STXBP4: variants seen among roughly 807,000 people sequenced by gnomAD.
STXBP4 encodes the protein syntaxin binding protein 4.
STXBP4 carries 55 observed loss-of-function variants against 76.1 expected under a neutral mutation model. That is an observed-to-expected ratio of 0.72 (90% CI 0.58 to 0.91). STXBP4 has a LOEUF of 0.91. STXBP4 is among the 40% of genes least tolerant of loss of function. The probability of loss-of-function intolerance (pLI) is 0.00; values close to 1 mark genes in which losing one functional copy is unlikely to be tolerated. For missense variants in STXBP4, 618 were observed against 636.9 expected (o/e 0.97, Z 0.32); for synonymous variants, 201 against 220.2 (o/e 0.91, Z 0.77).
intron 16 of STXBP4, among the ~76,000 whole-genome samples, chr17:55,085,800 A>G (rs1449076515): frequency 1.3e-5 from 2 of 152,058 alleles, no homozygotes; most frequent in Non-Finnish European, 2.9e-5. Flanking sequence ...CATAGTGTCT[A>G]CTCAGTTTTC....
At chr17:55,104,194 G>T (rs1598316122) in intron 16 of STXBP4, among the ~76,000 whole-genome samples, 1 of 152,142 alleles carries the variant, frequency 6.6e-6, no homozygotes, top group Admixed American at 6.5e-5. Flanking sequence ...CGGCATCCTT[G>T]TCTTGTGCCA....
At chr17:54,993,577 A>G (rs1851147538) in intron 4 of STXBP4, among the ~76,000 whole-genome samples, 1 of 152,238 alleles carries the variant, frequency 6.6e-6, no homozygotes, top group African/African-American at 2.4e-5. Context: ...CTTCAAATAC[A>G]AAATTGATAT....
At chr17:55,149,708 C>G (rs1485964006) in intron 17 of STXBP4, among the ~76,000 whole-genome samples, 1 of 152,132 alleles carries the variant, frequency 6.6e-6, no homozygotes, top group Non-Finnish European at 1.5e-5. Flanking sequence ...AGTCAAAAGC[C>G]CTGTGATAGG....
At chr17:55,001,440 G>T (rs1188890732) in intron 7 of STXBP4, among the ~76,000 whole-genome samples, 1 of 151,916 alleles carries the variant, frequency 6.6e-6, no homozygotes, top group Non-Finnish European at 1.5e-5. Flanking sequence ...GTAAAATAAA[G>T]ATTTTTATGT....
In STXBP4 at chr17:55,171,591, T is replaced by G. The variant is rs968546291; in HGVS notation, c.*11680T>G. On this transcript the variant is annotated 3_prime_UTR_variant, in exon 18 of 18. Transcript: ENST00000376352. ...GTTTTGACCATACCCCATCATGGTA[T>G]TTTAGAGTACACCTGAATAAGATAC... 3.3e-5 allele frequency: 5 copies of G among 152,166 alleles called. No homozygotes were observed. Among genetic ancestry groups the G allele is most frequent in the African/African-American group, 1.2e-4 (5 of 41,438 alleles). The allele number at this position is 152,166 out of a possible 1,614,324, so 9.4% of individuals were successfully genotyped here.
chr17:54,986,347 T>TGAAATATAGTTTG, intron 3 of STXBP4, 81 bp downstream of exon 3: 5 of 1,047,264 alleles, frequency 4.8e-6, no homozygotes, highest in East Asian at 2.5e-5. Flanking sequence ...AAAGTTTTTT[T>TGAAATATAGTTTG]ACATCTAGCT....
At chr17:55,150,749 A>G (rs530736383) in intron 17 of STXBP4, among the ~76,000 whole-genome samples, 3 of 152,326 alleles carry the variant, frequency 2.0e-5, no homozygotes, top group African/African-American at 7.2e-5. Flanking sequence ...GCTTAAGGGA[A>G]GAAGAGAAGG....
chr17:54,999,023 G>A (rs1278471749), intron 4 of STXBP4, among the ~76,000 whole-genome samples: 2 of 152,044 alleles, frequency 1.3e-5, no homozygotes, highest in East Asian at 1.9e-4. Flanking sequence ...CAGAGTCAGA[G>A]CTTTATCAGC....
intron 16 of STXBP4, among the ~76,000 whole-genome samples, chr17:55,113,219 A>ACACACACG (rs985252699): frequency 3.6e-4 from 6 of 16,556 alleles, no homozygotes; most frequent in African/African-American, 8.7e-4. Flanking sequence ...TGCTCTTACC[A>ACACACACG]CACACACACA....
intron 16 of STXBP4, among the ~76,000 whole-genome samples, chr17:55,126,117 AT>A (rs1378298584): frequency 6.6e-6 from 1 of 152,186 alleles, no homozygotes; most frequent in Non-Finnish European, 1.5e-5. Context: ...AAAGATTAAC[AT>A]GCTTCAGAGT....
At position 55,167,200 on chromosome 17, in the gene STXBP4, A is replaced by G. The variant is rs2080381448; in HGVS notation, c.*7289A>G. ...ATTAATTTGGATAGGAAAGTAGGGC[A>G]TGTGTCATCTCTCCTAGTAGACTGT... is the stretch of plus-strand genomic sequence containing the variant. On this transcript the variant is annotated 3_prime_UTR_variant, in exon 18 of 18. Transcript: ENST00000376352. 6.6e-6 allele frequency: 1 copy of G among 152,224 alleles called. No individual in the cohort carries two copies. The highest frequency in any genetic ancestry group is 6.5e-5 in the Admixed American group (1 of 15,282). The allele number at this position is 152,224 out of a possible 1,614,324, so 9.4% of individuals were successfully genotyped here. A position where few individuals can be genotyped will look rare whatever the true frequency, so the allele number is the denominator to read the frequency against.
chr17:54,994,401 A>G (rs972115206), intron 4 of STXBP4, among the ~76,000 whole-genome samples: 1 of 152,136 alleles, frequency 6.6e-6, no homozygotes, highest in Admixed American at 6.5e-5. Flanking sequence ...ACTCTTCCCA[A>G]ACAGAGTCTC....
At chr17:55,108,443 G>A (rs1318646645) in intron 16 of STXBP4, among the ~76,000 whole-genome samples, 5 of 152,090 alleles carry the variant, frequency 3.3e-5, no homozygotes, top group Admixed American at 2.0e-4. Context: ...TGTTCCAGCT[G>A]CCATTGGGGT....
At chr17:55,130,854 T>C (rs2079966680) in intron 16 of STXBP4, among the ~76,000 whole-genome samples, 1 of 152,244 alleles carries the variant, frequency 6.6e-6, no homozygotes. Flanking sequence ...GACAGAATCC[T>C]TTCCTGAGGC....
intron 1 of STXBP4, among the ~76,000 whole-genome samples, chr17:54,973,665 G>A (rs889218276): frequency 6.6e-6 from 1 of 152,216 alleles, no homozygotes; most frequent in Non-Finnish European, 1.5e-5. Context: ...GTGAGTCTGA[G>A]TGTGCTTGTA....
chr17:55,091,474 A>G (rs1484162271), intron 16 of STXBP4, among the ~76,000 whole-genome samples: 1 of 152,018 alleles, frequency 6.6e-6, no homozygotes, highest in East Asian at 1.9e-4. Flanking sequence ...AAAATCCAAA[A>G]CTTTTGAGTG....
chr17:55,105,718 C>T (rs244377), intron 16 of STXBP4, among the ~76,000 whole-genome samples: 110,471 of 151,612 alleles, frequency 0.73, 40,436 homozygotes, highest in East Asian at 0.91. Flanking sequence ...GACCCCGTTA[C>T]CCACCAGCCT....
At chr17:55,052,531 T>C (rs955551723) in intron 12 of STXBP4, among the ~76,000 whole-genome samples, 3 of 152,104 alleles carry the variant, frequency 2.0e-5, no homozygotes, top group African/African-American at 7.2e-5. Context: ...TCTATTTTAA[T>C]AAAGACTTGA....
At chr17:55,108,857 A>T (rs993978078) in intron 16 of STXBP4, among the ~76,000 whole-genome samples, 10 of 152,192 alleles carry the variant, frequency 6.6e-5, no homozygotes, top group African/African-American at 1.7e-4. Flanking sequence ...CTATTCGGCC[A>T]TCTTGCCAGC....
Sources: allele counts gnomAD v4.1 joint callset (sites outside exome capture counted in the v4.1 genomes callset), GRCh38; gene constraint gnomAD v4.1.1; transcripts MANE v1.5; gene names NCBI Gene and HGNC (gene_info 2026-07-23, HGNC 2026-07-21).